The following SS18L1 variants were observed in gnomAD, a reference collection of about 807,000 sequenced individuals.
The protein encoded by SS18L1 is calcium-responsive transactivator.
SS18L1 carries 32 observed loss-of-function variants against 70.3 expected under a neutral mutation model. That is an observed-to-expected ratio of 0.46 (90% confidence interval 0.34 to 0.61). SS18L1 has a LOEUF of 0.61. SS18L1 is among the 20% of genes least tolerant of loss of function. The pLI, the probability that SS18L1 is intolerant of heterozygous loss-of-function variation, is 0.01. For synonymous variants in SS18L1, 237 were observed against 229.7 expected, an observed-to-expected ratio of 1.03 and a Z score of -0.29; for missense variants, 430 against 542.1, an observed-to-expected ratio of 0.79 and a Z score of 2.05.
At chr20:62,146,594 C>T (rs2057030461) in intron 1 of SS18L1, among the ~76,000 whole-genome samples, 1 of 121,106 alleles carries the variant, frequency 8.3e-6, no homozygotes, top group Non-Finnish European at 1.7e-5. Context: ...CAGCGTGTCT[C>T]TGCTTTGATC....
intron 1 of SS18L1, among the ~76,000 whole-genome samples, chr20:62,157,900 A>C (rs907832608): frequency 1.4e-4 from 21 of 148,544 alleles, no homozygotes; most frequent in Non-Finnish European, 8.9e-5. Flanking sequence ...GGTTTCTTCT[A>C]CCGGTGGTGC....
rs561262932 is a variant in SS18L1 at position 62,162,977 on chromosome 20, C to T, written c.556+46C>T. The T allele has an allele frequency of 2.6e-4, 419 of 1,594,780 alleles. 6 individuals are homozygous for T. In the South Asian group the frequency reaches 3.6e-3, roughly 14 times the overall value. ...ACCCCGGGGGGCCTGGGCCTGCCTC[C>T]AAGACCCTTGACACATGCACGTTGG... On this transcript the variant is annotated intron_variant, in intron 5 of 10. Coordinates refer to ENST00000331758, the MANE Select transcript of SS18L1 (RefSeq NM_198935.3).
At chr20:62,163,368 G>T in intron 5 of SS18L1, 90 bp from the exon 6 acceptor site, 2 of 1,534,084 alleles carry the variant, frequency 1.3e-6, no homozygotes, top group Non-Finnish European at 1.8e-6. Context: ...AAATAACGAG[G>T]AACCCGCCCG....
In SS18L1 at chr20:62,182,468, C is replaced by T. The variant is rs1601076283; in HGVS notation, c.*3260C>T. The T allele has an allele frequency of 5.3e-6, 1 of 188,286 alleles. No individual in the cohort carries two copies. The highest frequency in any genetic ancestry group is 1.1e-5 in the Non-Finnish European group (1 of 89,124). 11.7% of individuals were successfully genotyped at this position (188,286 alleles called of 1,614,324 possible). A position where few individuals can be genotyped will look rare whatever the true frequency, so the allele number is the denominator to read the frequency against. On this transcript the variant is annotated 3_prime_UTR_variant, in exon 11 of 11. Transcript: ENST00000331758. ...GCTTTTGGTGTAATCTCTTAATAAA[C>T]TGGTTCTTCAAAAATCATCCTATAA...
At chr20:62,163,236 C>T (rs1419033636) in intron 5 of SS18L1, among the ~76,000 whole-genome samples, 7 of 152,144 alleles carry the variant, frequency 4.6e-5, no homozygotes, top group Admixed American at 4.6e-4. Context: ...CAGCACTGGG[C>T]TCTCAGAGGT....
rs1165312804 is a variant in SS18L1, at chr20:62,174,102, C to G, written c.1037-415C>G. On this transcript the variant is annotated intron_variant, in intron 9 of 10. Transcript: ENST00000331758. The surrounding 1 kb of genome is among the most constrained non-coding windows in gnomAD (Gnocchi z 4.1). ...CCTAGAGACGATGTCTCTGTCTCAC[C>G]TGCCTGCAGGTTTTCAGCAGCTCCC... Among the ~76,000 whole-genome samples, 1 of 152,180 alleles carries G rather than the reference C, an allele frequency of 6.6e-6. No individual in the cohort carries two copies. The highest frequency in any genetic ancestry group is 1.5e-5 in the Non-Finnish European group (1 of 68,038).
chr20:62,167,054 T>G (rs1276737745), intron 8 of SS18L1, among the ~76,000 whole-genome samples: 1 of 136,396 alleles, frequency 7.3e-6, no homozygotes, highest in Non-Finnish European at 1.6e-5. Flanking sequence ...TTTTTTTTTT[T>G]TTTTTTTTTG....
intron 9 of SS18L1, among the ~76,000 whole-genome samples, chr20:62,173,075 C>T (rs761240450): frequency 1.3e-5 from 2 of 152,226 alleles, no homozygotes; most frequent in Non-Finnish European, 2.9e-5. Flanking sequence ...CATCCATGCA[C>T]GTAGACCTGA....
intron 1 of SS18L1, among the ~76,000 whole-genome samples, chr20:62,147,267 A>T (rs2057047762): frequency 6.6e-6 from 1 of 152,168 alleles, no homozygotes; most frequent in Admixed American, 6.5e-5. Flanking sequence ...TGGGTGAGAC[A>T]GTCAGAACTG....
intron 3 of SS18L1, among the ~76,000 whole-genome samples, chr20:62,160,686 G>C (rs1042981601): frequency 1.3e-5 from 2 of 152,188 alleles, no homozygotes; most frequent in East Asian, 1.9e-4. Context: ...CGGGAATGAC[G>C]TATCTCCTAG....
intron 1 of SS18L1, among the ~76,000 whole-genome samples, chr20:62,147,912 C>T (rs1328101717): frequency 6.6e-6 from 1 of 152,172 alleles, no homozygotes; most frequent in Non-Finnish European, 1.5e-5. Flanking sequence ...ATGGGGTGCA[C>T]ACCCAGTAGG....
At position 62,182,455 on chromosome 20, in the gene SS18L1, A is replaced by G. The variant is rs992603601; in HGVS notation, c.*3247A>G. 5.3e-6 allele frequency: 1 copy of G among 190,296 alleles called. No individual in the cohort carries two copies. The highest frequency in any genetic ancestry group is 1.1e-5 in the Non-Finnish European group (1 of 90,674). 11.8% of individuals were successfully genotyped at this position (190,296 alleles called of 1,614,324 possible). A position where few individuals can be genotyped will look rare whatever the true frequency, so the allele number is the denominator to read the frequency against. On this transcript the variant is annotated 3_prime_UTR_variant, in exon 11 of 11. Transcript: ENST00000331758. ...ATAAATTGTTTATGCTTTTGGTGTA[A>G]TCTCTTAATAAACTGGTTCTTCAAA...
At chr20:62,144,238 T>G (rs1009370941) in intron 1 of SS18L1, among the ~76,000 whole-genome samples, 2 of 151,420 alleles carry the variant, frequency 1.3e-5, no homozygotes, top group African/African-American at 4.9e-5. Flanking sequence ...GGAACTGTCC[T>G]GGGCTATGCC....
At chr20:62,150,770 CTA>C (rs542287631) in intron 1 of SS18L1, among the ~76,000 whole-genome samples, 9 of 146,300 alleles carry the variant, frequency 6.2e-5, no homozygotes, top group Non-Finnish European at 1.3e-4. Context: ...GGTGAGGTCT[CTA>C]TGTGCTGACA....
chr20:62,165,626 C>A, intron 8 of SS18L1, 112 bp downstream of exon 8: 2 of 982,728 alleles, frequency 2.0e-6, no homozygotes, highest in Non-Finnish European at 3.1e-6. Context: ...TCCCTTAAAT[C>A]ACAGCACAGC....
chr20:62,153,442 G>A lies in SS18L1; in HGVS notation c.70-5230G>A, dbSNP rs1316071177. 7.2e-5 allele frequency among the ~76,000 whole-genome samples: 11 copies of A among 152,140 alleles called. No individual in the cohort carries two copies. In the East Asian group the frequency reaches 2.1e-3, roughly 30 times the overall value. ...GCCACTTTGGAATGGGTTTAGGGCT[G>A]CTGACCTTACCTGGTGACCAGGGAG... On this transcript the variant is annotated intron_variant, in intron 1 of 10. Transcript: ENST00000331758.
In SS18L1 at chr20:62,164,169, A is replaced by T; in HGVS notation, c.746A>T (p.Gln249Leu). 1 of 1,550,136 alleles carries T rather than the reference A, an allele frequency of 6.5e-7. No homozygotes were observed. Residue 249 changes from glutamine (Q) to leucine (L), a missense_variant, in exon 7 of 11, where the codon CAG (glutamine) becomes CTG (leucine). By Grantham distance (113) the Gln-to-Leu change is moderately radical. Coordinates refer to ENST00000331758, the MANE Select transcript of SS18L1 (RefSeq NM_198935.3). The part of the protein sequence containing the change: ...QQGSSQQYLG[Q>L]EEYYGEQYSH... ...GGCTCTTCCCAGCAGTACCTGGGCCAGGAGGAGTACTATGGCGAGCAGTAC... is the reference window on the plus strand; with the variant it reads ...GGCTCTTCCCAGCAGTACCTGGGCCTGGAGGAGTACTATGGCGAGCAGTAC...
At chr20:62,165,320 C>A in intron 7 of SS18L1, 102 bp from the exon 8 acceptor site, 1 of 1,185,470 alleles carries the variant, frequency 8.4e-7, no homozygotes, top group Non-Finnish European at 1.2e-6. Flanking sequence ...TTGTTGCCTC[C>A]CTGGCCAGAC....
intron 8 of SS18L1, among the ~76,000 whole-genome samples, chr20:62,172,190 C>T (rs994496420): frequency 4.0e-5 from 6 of 151,226 alleles, no homozygotes; most frequent in Non-Finnish European, 5.9e-5. Context: ...TATCTGGGCA[C>T]GCTGGCACAC....
Sources: gnomAD v4.1 joint callset for allele counts (sites outside exome capture counted in the v4.1 genomes callset) on GRCh38, gnomAD v4.1.1 for gene constraint, Gnocchi (gnomAD v3.1) non-coding constraint, MANE v1.5 for transcripts, NCBI Gene and HGNC (gene_info 2026-07-23, HGNC 2026-07-21) for gene names.